The following RYR2 variants were observed in gnomAD, a reference collection of about 807,000 sequenced individuals.
RYR2 encodes ryanodine receptor 2.
Under a neutral mutation model 601.1 loss-of-function variants are expected in RYR2, and 227 were observed. That is an observed-to-expected ratio of 0.38 (90% CI 0.34 to 0.42). The LOEUF is 0.42. Ranked by LOEUF, RYR2 falls within the 10% of genes least tolerant of loss-of-function variation. The pLI, the probability that RYR2 is intolerant of heterozygous loss-of-function variation, is 1.00. For synonymous variants in RYR2, 2,223 were observed against 2,175.1 expected (o/e 1.02, Z -0.61); for missense variants, 4,646 against 6,156.5 (o/e 0.75, Z 8.21).
At chr1:237,228,769 A>G (rs1013330136) in intron 1 of RYR2, among the ~76,000 whole-genome samples, 8 of 150,396 alleles carry the variant, frequency 5.3e-5, no homozygotes, top group Non-Finnish European at 8.9e-5. Context: ...CTCATAAGGG[A>G]AAAAAAAAGA....
At chr1:237,438,783 C>T (rs556180367) in intron 12 of RYR2, among the ~76,000 whole-genome samples, 1 of 152,338 alleles carries the variant, frequency 6.6e-6, no homozygotes, top group African/African-American at 2.4e-5. Context: ...CAAAAGGCAG[C>T]CACCTACCAA....
intron 25 of RYR2, among the ~76,000 whole-genome samples, chr1:237,544,075 C>G (rs2805452): frequency 0.65 from 99,211 of 152,008 alleles, 33,468 homozygotes; most frequent in Non-Finnish European, 0.75. Flanking sequence ...TTTGATTACT[C>G]TCAATGTTGT....
chr1:237,813,059 T>C (rs892846772), intron 100 of RYR2, among the ~76,000 whole-genome samples: 17 of 152,014 alleles, frequency 1.1e-4, no homozygotes, highest in South Asian at 1.0e-3. Context: ...GCTGAAGATG[T>C]GTTAAGGATC....
chr1:237,753,057 A>G (rs1011056599), intron 80 of RYR2, among the ~76,000 whole-genome samples: 5 of 152,246 alleles, frequency 3.3e-5, no homozygotes, highest in African/African-American at 1.2e-4. Context: ...TGGTAGATTC[A>G]GCCTGTCAGT....
In RYR2 at chr1:237,081,905, G is replaced by A. The variant is rs552809434; in HGVS notation, c.48+39336G>A. Among the ~76,000 whole-genome samples, 12 of 152,172 alleles carry A rather than the reference G, an allele frequency of 7.9e-5. No homozygotes were observed. In the South Asian group the frequency reaches 2.3e-3, roughly 29 times the overall value. ...GCTCCACCAGGCACTACTTGGCGAT[G>A]ATCCCTGGGAGGCAGGAGACATCAG... On this transcript the variant is annotated intron_variant, in intron 1 of 104. Transcript: ENST00000366574.
intron 63 of RYR2, among the ~76,000 whole-genome samples, chr1:237,698,105 A>AGTGTGTGTGTGT (rs3999833): frequency 1.5e-4 from 21 of 140,142 alleles, no homozygotes; most frequent in African/African-American, 4.5e-4. Context: ...AGGAGATGAT[A>AGTGTGTGTGTGT]GTGTGTGTGT....
chr1:237,054,937 T>C (rs1558151520), intron 1 of RYR2, among the ~76,000 whole-genome samples: 1 of 152,068 alleles, frequency 6.6e-6, no homozygotes, highest in Non-Finnish European at 1.5e-5. Flanking sequence ...CCCTGTTCTA[T>C]GTTCAGGAGC....
chr1:237,184,577 T>G (rs1394813955), intron 1 of RYR2, among the ~76,000 whole-genome samples: 1 of 152,156 alleles, frequency 6.6e-6, no homozygotes, highest in African/African-American at 2.4e-5. Flanking sequence ...GTAAATAGTC[T>G]TTGACAAAAA....
chr1:237,423,348 G>T (rs1572254587), intron 12 of RYR2, 100 bp downstream of exon 12: 5 of 1,320,472 alleles, frequency 3.8e-6, no homozygotes. Context: ...AATGATGTAA[G>T]TATGTCTTAT....
rs771123197 is a variant in RYR2, at chr1:237,709,008, C to T, written c.10052C>T (p.Ala3351Val). ...KAEARGDMSE[A>V]ELLILDEFTT... is the part of the protein sequence containing the mutation. ...GAGGCCAGGGGGGACATGTCGGAGG[C>T]AGAACTCCTCATCCTAGATGAGTTC... Residue 3351 changes from alanine to valine, a missense_variant, in exon 69 of 105, where the codon GCA (alanine) becomes GTA (valine). By Grantham distance (64) the Ala-to-Val change is moderately conservative (BLOSUM62 0). Transcript: ENST00000366574. 8.1e-6 allele frequency: 13 copies of T among 1,613,308 alleles called. No individual in the cohort carries two copies. The South Asian group carries it at 1.4e-4, about 18-fold the overall frequency.
At chr1:237,811,115 GAC>G (rs146951094) in intron 100 of RYR2, among the ~76,000 whole-genome samples, 2,425 of 152,146 alleles carry the variant, frequency 0.016, 66 homozygotes, top group African/African-American at 0.056. Flanking sequence ...AAAAGCCTAA[GAC>G]AGTTTTTTCC....
chr1:237,757,607 A>T (rs938488413), intron 81 of RYR2, 90 bp from the exon 82 acceptor site: 30 of 835,208 alleles, frequency 3.6e-5, no homozygotes, highest in Non-Finnish European at 5.7e-5. Context: ...GGGGCATAAT[A>T]ATAATTTTAA....
At chr1:237,092,514 CTTTTTTT>C in intron 1 of RYR2, among the ~76,000 whole-genome samples, 1 of 128,066 alleles carries the variant, frequency 7.8e-6, no homozygotes, top group East Asian at 2.2e-4. Context: ...CACAGATAGT[CTTTTTTT>C]TTTTTTTTTC....
intron 2 of RYR2, among the ~76,000 whole-genome samples, chr1:237,286,260 T>G (rs1406669278): frequency 1.3e-5 from 2 of 152,230 alleles, no homozygotes; most frequent in East Asian, 3.9e-4. Context: ...GATTTTCATC[T>G]TGGTTTCGTT....
At chr1:237,310,647 T>C (rs1247348296) in intron 2 of RYR2, among the ~76,000 whole-genome samples, 3 of 152,234 alleles carry the variant, frequency 2.0e-5, no homozygotes, top group Non-Finnish European at 4.4e-5. Flanking sequence ...CCACAGACTG[T>C]TTCTGTGATT....
chr1:237,634,905 A>G lies in RYR2; in HGVS notation c.6705A>G (p.Arg2235=). ...AATTAATAGCCTCCCCAGCTATGAG[A>G]GGTTCAACACCACTGGATGTGGCTG... ...SSVGLASPAM[R]GSTPLDVAAA... The change falls in exon 44 of 105, where the codon AGA becomes AGG. Residue 2235 remains arginine (R), a synonymous_variant. Coordinates refer to ENST00000366574, the MANE Select transcript of RYR2 (RefSeq NM_001035.3). The G allele has an allele frequency of 1.2e-6, 2 of 1,608,500 alleles. No homozygotes were observed. The highest frequency in any genetic ancestry group is 1.7e-6 in the Non-Finnish European group (2 of 1,177,422).
At position 237,754,214 on chromosome 1, in the gene RYR2, A is replaced by T. The variant is rs1375837997; in HGVS notation, c.11146-2074A>T. 2.0e-5 allele frequency among the ~76,000 whole-genome samples: 3 copies of T among 150,946 alleles called. No homozygotes were observed. The East Asian group carries it at 5.9e-4, about 29-fold the overall frequency. On this transcript the variant is annotated intron_variant, in intron 80 of 104. Coordinates refer to ENST00000366574, the MANE Select transcript of RYR2 (RefSeq NM_001035.3). The stretch of plus-strand genomic sequence containing the variant: ...CTCAAAACATTGATTATTAAAATTT[A>T]GATGCGATGTTAAAAAAAATGAGTG...
chr1:237,432,836 A>C (rs762815585), intron 12 of RYR2, among the ~76,000 whole-genome samples: 7 of 150,044 alleles, frequency 4.7e-5, no homozygotes, highest in Admixed American at 1.3e-4. Context: ...ATGCTTCTGG[A>C]TAACTTACTT....
chr1:237,102,747 C>T (rs969347522), intron 1 of RYR2, among the ~76,000 whole-genome samples: 1 of 151,984 alleles, frequency 6.6e-6, no homozygotes, highest in African/African-American at 2.4e-5. Flanking sequence ...TCCCGCTACT[C>T]GGGAGGCTGA....
Sources: gnomAD v4.1 joint callset for allele counts (sites outside exome capture counted in the v4.1 genomes callset) on GRCh38, gnomAD v4.1.1 for gene constraint, MANE v1.5 for transcripts, NCBI Gene and HGNC (gene_info 2026-07-23, HGNC 2026-07-21) for gene names.